The following TRIM45 variants were observed in gnomAD, a reference collection of about 807,000 sequenced individuals.
The protein encoded by TRIM45 is E3 ubiquitin-protein ligase TRIM45.
TRIM45 carries 45 observed loss-of-function variants against 46.7 expected under a neutral mutation model. That is an observed-to-expected ratio of 0.96 (90% CI 0.76 to 1.24). The LOEUF is 1.24. Ranked by LOEUF, TRIM45 falls within the 50% of genes most tolerant of loss-of-function variation. The pLI is 0.00. For missense variants in TRIM45, 680 were observed against 728.4 expected, an observed-to-expected ratio of 0.93 and a Z score of 0.77; for synonymous variants, 259 against 285.8, an observed-to-expected ratio of 0.91 and a Z score of 0.94.
Position 117,121,573 on chromosome 1 carries a change from C to T in TRIM45, c.-372G>A. 2.0e-6 allele frequency: 1 copy of T among 491,098 alleles called. No individual in the cohort carries two copies. The highest frequency in any genetic ancestry group is 2.8e-5 in the South Asian group (1 of 36,086). 30.4% of individuals were successfully genotyped at this position (491,098 alleles called of 1,614,324 possible). On this transcript the variant is annotated 5_prime_UTR_variant, in exon 1 of 6. It adds an upstream start codon to the 5' untranslated region. Coordinates refer to ENST00000256649, the MANE Select transcript of TRIM45 (RefSeq NM_025188.4). The surrounding 1 kb of genome is among the most constrained non-coding windows in gnomAD (Gnocchi z 4.2). The stretch of plus-strand genomic sequence containing the variant: ...CACCCCCCTCCCGCCGCCCGCCCCA[C>T]TGCGCGCCACACGCGACAAGCGCCG...
rs1382451521 is a variant in TRIM45, at chr1:117,115,603, C to T, written c.1439G>A (p.Trp480Ter). The T allele has an allele frequency of 6.2e-7, 1 of 1,614,136 alleles. No individual in the cohort carries two copies. Among genetic ancestry groups the T allele is most frequent in the Non-Finnish European group, 8.5e-7 (1 of 1,179,984 alleles). Residue 480 changes from tryptophan to a stop codon, truncating the protein, a stop_gained, in exon 4 of 6, where the codon TGG becomes TAG. Coordinates refer to ENST00000256649, the MANE Select transcript of TRIM45 (RefSeq NM_025188.4). LOFTEE classifies it high-confidence loss of function. This position sits in a 1 kb window ranked among gnomAD's most constrained non-coding sequence, Gnocchi z 4.2. ...CACATGCTGTTCTTTGATGCAGACCCACACAGTATAGACGCCAGGTTCCTT... is the reference window on the plus strand; with the variant it reads ...CACATGCTGTTCTTTGATGCAGACCTACACAGTATAGACGCCAGGTTCCTT... ...TPKEPGVYTV[W>*]VCIKEQHVQG... is the part of the protein sequence containing the mutation.
rs1444140165 is a variant in TRIM45 at position 117,115,991 on chromosome 1, T to C, written c.1353-302A>G. ...TCCATTCTACAATTCCAGAGAAATA[T>C]AAACATGCTCCAGGCATAATTTAGT... On this transcript the variant is annotated intron_variant, in intron 3 of 5. Coordinates refer to ENST00000256649, the MANE Select transcript of TRIM45 (RefSeq NM_025188.4). This position sits in a 1 kb window ranked among gnomAD's most constrained non-coding sequence, Gnocchi z 4.2. Among the ~76,000 whole-genome samples, 1 of 152,178 alleles carries C rather than the reference T, an allele frequency of 6.6e-6. No homozygotes were observed. The highest frequency in any genetic ancestry group is 1.5e-5 in the Non-Finnish European group (1 of 68,044).
chr1:117,112,373 T>G lies in TRIM45; in HGVS notation c.1675A>C (p.Lys559Gln). 1 of 1,614,082 alleles carries G rather than the reference T, an allele frequency of 6.2e-7. No homozygotes were observed. Among genetic ancestry groups the G allele is most frequent in the South Asian group, 1.1e-5 (1 of 91,062 alleles). Residue 559 changes from lysine to glutamine, a missense_variant, in exon 6 of 6, where the codon AAA becomes CAA. Physicochemically the swap from Lys to Gln is moderately conservative, Grantham distance 53. Coordinates refer to ENST00000256649, the MANE Select transcript of TRIM45 (RefSeq NM_025188.4). ...HWSCCGKFNE[K>Q]SECTWTGGQS... ...CCACCTGTCCATGTGCATTCAGATT[T>G]CTCATTAAATTTTCCACAGCATGAC...
In TRIM45 at chr1:117,118,452, C is replaced by T; in HGVS notation, c.804G>A (p.Lys268=). The T allele has an allele frequency of 3.1e-6, 5 of 1,614,146 alleles. No individual in the cohort carries two copies. The highest frequency in any genetic ancestry group is 4.2e-6 in the Non-Finnish European group (5 of 1,180,026). The change falls in exon 2 of 6, where the codon AAG becomes AAA. Residue 268 remains lysine (K), a synonymous_variant. Transcript: ENST00000256649. This position sits in a 1 kb window ranked among gnomAD's most constrained non-coding sequence, Gnocchi z 5.7. Reference sequence around the variant, plus strand: ...CATCAGCTGCCACTGCCTCCACTCGCTTCTGGAGGGCACTGTTTATTATGT... The same window carrying T: ...CATCAGCTGCCACTGCCTCCACTCGTTTCTGGAGGGCACTGTTTATTATGT... The part of the protein sequence containing the change: ...QIHIINSALQ[K]RVEAVAADVR...
chr1:117,113,056 T>C lies in TRIM45; in HGVS notation c.1594+303A>G, dbSNP rs1385787703. ...AAAAGGAATAAGATGGGTCCATAGT[T>C]TTCACACTGCTTAGGCCGCTGGAAA... On this transcript the variant is annotated intron_variant, in intron 5 of 5. Transcript: ENST00000256649. The surrounding 1 kb of genome is among the most constrained non-coding windows in gnomAD (Gnocchi z 4.0). 6.6e-6 allele frequency among the ~76,000 whole-genome samples: 1 copy of C among 152,168 alleles called. No homozygotes were observed. The highest frequency in any genetic ancestry group is 6.5e-5 in the Admixed American group (1 of 15,276).
Position 117,118,286 on chromosome 1 carries a change from T to G in TRIM45, c.970A>C (p.Met324Leu), listed in dbSNP as rs1213515315. The change falls in exon 2 of 6, where the codon ATG becomes CTG. Residue 324 changes from methionine to leucine, a missense_variant. This residue lies in a region of TRIM45 where 322 missense variants were observed against 359.3 expected (regional missense o/e 0.90). Coordinates refer to ENST00000256649, the MANE Select transcript of TRIM45 (RefSeq NM_025188.4). The surrounding 1 kb of genome is among the most constrained non-coding windows in gnomAD (Gnocchi z 5.7). ...KAQLEQLLAD[M>L]RTGVEFTEHL... ...TCGGTGAACTCCACTCCAGTCCGCA[T>G]GTCTGCCAGTAACTGTTCCAGCTGG... The G allele has an allele frequency of 9.9e-6, 16 of 1,614,206 alleles. No homozygotes were observed. The highest frequency in any genetic ancestry group is 1.4e-5 in the Non-Finnish European group (16 of 1,180,028).
Position 117,121,147 on chromosome 1 carries a change from T to TC in TRIM45, c.54dup (p.Thr19AspfsTer52). On this transcript the variant is annotated frameshift_variant, in exon 1 of 6. Transcript: ENST00000256649. LOFTEE classifies it high-confidence loss of function. This position sits in a 1 kb window ranked among gnomAD's most constrained non-coding sequence, Gnocchi z 4.2. ...GTCTTGCCTGAGTTCCCAAGTGCAGTCCCACTAGTGAGTTTGCTTACAAAG... is the reference window on the plus strand; with the variant it reads ...GTCTTGCCTGAGTTCCCAAGTGCAGTCCCCACTAGTGAGTTTGCTTACAAAG... 1.2e-6 allele frequency: 2 copies of TC among 1,603,968 alleles called. No homozygotes were observed. Among genetic ancestry groups the TC allele is most frequent in the Non-Finnish European group, 1.7e-6 (2 of 1,175,334 alleles).
Position 117,120,992 on chromosome 1 carries a change from G to C in TRIM45, c.210C>G (p.Asp70Glu), listed in dbSNP as rs752609045. ...SVVDIRGGDS[D>E]TSSEGSIFQE... is the part of the protein sequence containing the mutation. ...GGAATATTGACCCCTCAGAGCTTGT[G>C]TCAGAGTCTCCCCCTCGGATGTCCA... Residue 70 changes from aspartate to glutamate, a missense_variant, in exon 1 of 6, where the codon GAC becomes GAG. Physicochemically the swap from Asp to Glu is conservative, Grantham distance 45. Around this residue, in one of 3 missense-constraint regions of TRIM45, gnomAD observed 349 missense variants for 343.6 expected, o/e 1.02. Transcript: ENST00000256649. 1.9e-5 allele frequency: 30 copies of C among 1,614,100 alleles called. No homozygotes were observed. The highest frequency in any genetic ancestry group is 2.5e-5 in the Non-Finnish European group (30 of 1,180,048).
rs764479071 is a variant in TRIM45 at position 117,121,178 on chromosome 1, CA to C, written c.23del (p.Leu8ArgfsTer5). ...TAGTGAGTTTGCTTACAAAGCCCAG[CA>C]GCGGTTTTCTGTTTTCTGACATACT... MSENRKP[L>X]LGFVSKLTSG... On this transcript the variant is annotated frameshift_variant, in exon 1 of 6. Transcript: ENST00000256649. LOFTEE classifies it high-confidence loss of function. The surrounding 1 kb of genome is among the most constrained non-coding windows in gnomAD (Gnocchi z 4.2). 16 of 1,565,814 alleles carry C rather than the reference CA, an allele frequency of 1.0e-5. No individual in the cohort carries two copies. Among genetic ancestry groups the C allele is most frequent in the Non-Finnish European group, 1.4e-5 (16 of 1,159,534 alleles).
chr1:117,112,464 C>T lies in TRIM45; in HGVS notation c.1595-11G>A, dbSNP rs781753472. 6.3e-6 allele frequency: 10 copies of T among 1,598,974 alleles called. No individual in the cohort carries two copies. In the East Asian group the frequency reaches 1.1e-4, roughly 18 times the overall value. The stretch of plus-strand genomic sequence containing the variant: ...AGCCTAGGTACCCACCTACATGGGA[C>T]AAAGAGGAAAGGACAAAAATCAACC... On this transcript the variant is annotated splice_polypyrimidine_tract_variant and intron_variant, in intron 5 of 5. Transcript: ENST00000256649.
At position 117,121,280 on chromosome 1, in the gene TRIM45, A is replaced by G; in HGVS notation, c.-79T>C. The G allele has an allele frequency of 6.8e-7, 1 of 1,481,330 alleles. No homozygotes were observed. Among genetic ancestry groups the G allele is most frequent in the Non-Finnish European group, 8.9e-7 (1 of 1,118,918 alleles). The allele number at this position is 1,481,330 out of a possible 1,614,324, so 91.8% of individuals were successfully genotyped here. On this transcript the variant is annotated 5_prime_UTR_variant, in exon 1 of 6. Transcript: ENST00000256649. The surrounding 1 kb of genome is among the most constrained non-coding windows in gnomAD (Gnocchi z 4.2). ...TAGTAGCAGGTGATTAAGCCCACCC[A>G]AAGAGAAAGTCTCCAGAACTTGAAC...
chr1:117,119,902 A>G (rs573313869), intron 1 of TRIM45, among the ~76,000 whole-genome samples: 2 of 152,318 alleles, frequency 1.3e-5, no homozygotes, highest in South Asian at 4.1e-4. Context: ...AAGTCTACAA[A>G]CTTGTTCTGT....
rs1321980908 is a variant in TRIM45 at position 117,112,415 on chromosome 1, G to A, written c.1633C>T (p.Pro545Ser). 6.2e-7 allele frequency: 1 copy of A among 1,613,800 alleles called. No homozygotes were observed. Among genetic ancestry groups the A allele is most frequent in the African/African-American group, 1.3e-5 (1 of 74,906 alleles). ...LGCGHGHKGH[P>S]GHPHWSCCGK... ...CAGCATGACCAGTGGGGATGACCTG[G>A]GTGGCCTTTGTGTCCATGGCCACAG... Residue 545 changes from proline to serine, a missense_variant, in exon 6 of 6, where the codon CCA becomes TCA. By Grantham distance (74) the Pro-to-Ser change is moderately conservative (BLOSUM62 -1). This residue lies in a region of TRIM45 where 322 missense variants were observed against 359.3 expected (regional missense o/e 0.90). Transcript: ENST00000256649.
chr1:117,113,239 CTGTGCTT>C lies in TRIM45; in HGVS notation c.1594+113_1594+119del. The stretch of plus-strand genomic sequence containing the variant: ...ACAGTGGTGTCTCTACAATCACAGA[CTGTGCTT>C]CCTAGAAACAGAGCCTAAGTCCAAA... On this transcript the variant is annotated intron_variant, in intron 5 of 5. Transcript: ENST00000256649. The surrounding 1 kb of genome is among the most constrained non-coding windows in gnomAD (Gnocchi z 4.0). 7.2e-7 allele frequency: 1 copy of C among 1,386,434 alleles called. No individual in the cohort carries two copies. The highest frequency in any genetic ancestry group is 2.3e-5 in the East Asian group (1 of 43,438). The allele number at this position is 1,386,434 out of a possible 1,614,324, so 85.9% of individuals were successfully genotyped here. A position where few individuals can be genotyped will look rare whatever the true frequency, so the allele number is the denominator to read the frequency against.
chr1:117,123,732 C>G (rs149845358), upstream of TRIM45, among the ~76,000 whole-genome samples: 1 of 151,846 alleles, frequency 6.6e-6, no homozygotes, highest in Non-Finnish European at 1.5e-5. Flanking sequence ...AGGGTTCAAG[C>G]GATTCTCCTG....
upstream of TRIM45, among the ~76,000 whole-genome samples, chr1:117,123,202 G>T (rs1262636210): frequency 6.6e-6 from 1 of 152,154 alleles, no homozygotes; most frequent in African/African-American, 2.4e-5. Context: ...TCCTTACCTA[G>T]ATTTTTTTCA....
Position 117,120,939 on chromosome 1 carries a change from G to T in TRIM45, c.263C>A (p.Ser88Ter), listed in dbSNP as rs41296182. 1.4e-3 allele frequency: 2,221 copies of T among 1,614,156 alleles called. 4 individuals carry two copies. Among genetic ancestry groups the T allele is most frequent in the Admixed American group, 1.7e-3 (103 of 60,024 alleles). Reference protein sequence around the residue: ...FQELKPRSLQSQIGILCPVCD... With the variant: ...FQELKPRSLQ ...TACAGGACAAAGGATGCCGATCTGC[G>T]ACTGCAGACTTCGTGGCTTGAGTTC... The change falls in exon 1 of 6, where the codon TCG becomes TAG. Residue 88 changes from serine (S) to a stop codon, truncating the protein, a stop_gained. Transcript: ENST00000256649. LOFTEE classifies it high-confidence loss of function.
chr1:117,112,217 C>T lies in TRIM45; in HGVS notation c.*88G>A. On this transcript the variant is annotated 3_prime_UTR_variant, in exon 6 of 6. Coordinates refer to ENST00000256649, the MANE Select transcript of TRIM45 (RefSeq NM_025188.4). The stretch of plus-strand genomic sequence containing the variant: ...TAAGGCACTTTGTTTTTAATTCTAT[C>T]AGTCTCTTTAGAATGAACGAAGGTC... The T allele has an allele frequency of 2.3e-6, 3 of 1,294,318 alleles. No individual in the cohort carries two copies. The highest frequency in any genetic ancestry group is 3.0e-6 in the Non-Finnish European group (3 of 995,492). The allele number at this position is 1,294,318 out of a possible 1,614,324, so 80.2% of individuals were successfully genotyped here.
At chr1:117,121,753 T>G, upstream of TRIM45, 1 of 673,384 alleles carries the variant, frequency 1.5e-6, no homozygotes, top group South Asian at 1.6e-5. This position sits in a 1 kb window ranked among gnomAD's most constrained non-coding sequence, Gnocchi z 4.2. Flanking sequence ...CTCTGGCCCC[T>G]CCTCACACCA....
Sources: gnomAD v4.1 joint callset for allele counts (sites outside exome capture counted in the v4.1 genomes callset) on GRCh38, gnomAD v4.1.1 for gene constraint, gnomAD v4.1.1 regional missense constraint, Gnocchi (gnomAD v3.1) non-coding constraint, MANE v1.5 for transcripts, NCBI Gene and HGNC (gene_info 2026-07-23, HGNC 2026-07-21) for gene names.